Variants in PCDH15 observed in about 807,000 individuals in gnomAD.
The protein encoded by PCDH15 is protocadherin related 15.
In PCDH15, 129 loss-of-function variants were observed where a neutral mutation model predicts 178.5. The observed-to-expected ratio is 0.72, with a 90% CI of 0.63 to 0.84. PCDH15 has a LOEUF of 0.84. Ranked by LOEUF, PCDH15 falls within the 40% of genes least tolerant of loss-of-function variation. The pLI is 0.00. For synonymous variants in PCDH15, 800 were observed against 732.0 expected (o/e 1.09, Z -1.50); for missense variants, 2,230 against 2,099.9 (o/e 1.06, Z -1.21).
chr10:54,401,123 C>T (rs1951881905), intron 3 of PCDH15, among the ~76,000 whole-genome samples: 2 of 152,054 alleles, frequency 1.3e-5, no homozygotes, highest in South Asian at 4.1e-4. Context: ...CTTTGCTCTT[C>T]AGAGATAGTG....
At position 55,580,351 on chromosome 10, in the gene PCDH15, TA is replaced by T. The variant is rs1842587151; in HGVS notation, c.-156+47273del. On this transcript the variant is annotated intron_variant, in intron 2 of 5. Coordinates refer to the PCDH15 transcript ENST00000613346. ...GGCTATATGGCTTCTTCATTTTTTT[TA>T]TTTTTTTATTTTTTTTTTTTTTTGA... 2.1e-5 allele frequency among the ~76,000 whole-genome samples: 3 copies of T among 142,192 alleles called. No individual in the cohort carries two copies. The South Asian group carries it at 7.0e-4, about 33-fold the overall frequency. The allele number at this position is 142,192 out of a possible 152,430, so 93.3% of individuals were successfully genotyped here.
chr10:53,896,271 A>T (rs2081942169), intron 26 of PCDH15, among the ~76,000 whole-genome samples: 2 of 152,202 alleles, frequency 1.3e-5, no homozygotes, highest in African/African-American at 2.4e-5. Flanking sequence ...CAGAAACAAA[A>T]AGTTAATGTT....
intron 2 of PCDH15, among the ~76,000 whole-genome samples, chr10:54,976,247 T>C (rs1459989402): frequency 6.6e-6 from 1 of 152,134 alleles, no homozygotes; most frequent in African/African-American, 2.4e-5. Context: ...TTAAAATCAA[T>C]CTCAAGATTG....
intron 2 of PCDH15, among the ~76,000 whole-genome samples, chr10:55,547,784 T>C (rs922968207): frequency 1.4e-4 from 22 of 151,954 alleles, no homozygotes; most frequent in African/African-American, 4.1e-4. Context: ...TCTCTTAAAA[T>C]GTTCACTCTG....
At chr10:54,399,053 CAT>C (rs1297538798) in intron 3 of PCDH15, among the ~76,000 whole-genome samples, 3 of 152,046 alleles carry the variant, frequency 2.0e-5, no homozygotes, top group African/African-American at 7.2e-5. Flanking sequence ...GTCCACTTGG[CAT>C]ATATGTGTTC....
intron 3 of PCDH15, among the ~76,000 whole-genome samples, chr10:54,434,246 GA>G (rs34973478): frequency 6.6e-6 from 1 of 151,868 alleles, no homozygotes; most frequent in South Asian, 2.1e-4. Flanking sequence ...AATTACTGAA[GA>G]AAAAATTAAT....
chr10:55,480,128 A>T (rs898030547), intron 2 of PCDH15, among the ~76,000 whole-genome samples: 1 of 151,518 alleles, frequency 6.6e-6, no homozygotes, highest in Admixed American at 6.6e-5. Flanking sequence ...CCTGCCTATG[A>T]TCATGGAATG....
At chr10:54,708,221 C>T (rs1385783467) in intron 1 of PCDH15, among the ~76,000 whole-genome samples, 2 of 152,074 alleles carry the variant, frequency 1.3e-5, no homozygotes, top group East Asian at 1.9e-4. Flanking sequence ...CAGAGACTTG[C>T]TAAATAGAAG....
intron 7 of PCDH15, 98 bp from the exon 8 acceptor site, chr10:54,317,539 C>A (rs142138341): frequency 2.0e-5 from 27 of 1,383,510 alleles, no homozygotes; most frequent in Non-Finnish European, 2.7e-5. Flanking sequence ...CTTTGGGAGG[C>A]CAAGGTGGGT....
At chr10:55,386,667 C>T (rs897635128) in intron 2 of PCDH15, among the ~76,000 whole-genome samples, 1 of 151,866 alleles carries the variant, frequency 6.6e-6, no homozygotes, top group African/African-American at 2.4e-5. Context: ...AGGACTCCAT[C>T]CTACATAAAT....
At chr10:53,997,593 A>C (rs1307599443) in intron 20 of PCDH15, among the ~76,000 whole-genome samples, 1 of 152,144 alleles carries the variant, frequency 6.6e-6, no homozygotes, top group Non-Finnish European at 1.5e-5. Context: ...CTTTTTGGAA[A>C]ATTTGATTCT....
intron 2 of PCDH15, among the ~76,000 whole-genome samples, chr10:54,930,898 A>G (rs1227934325): frequency 1.3e-5 from 2 of 152,178 alleles, no homozygotes; most frequent in African/African-American, 2.4e-5. Flanking sequence ...TTACTAATAG[A>G]GTAACAAAAC....
At chr10:55,278,170 T>C (rs561206682) in intron 1 of PCDH15, among the ~76,000 whole-genome samples, 2 of 152,196 alleles carry the variant, frequency 1.3e-5, no homozygotes, top group Non-Finnish European at 2.9e-5. Context: ...TCTCCATGGA[T>C]AGCTTTGCTA....
At chr10:55,076,853 C>T (rs1046182912) in intron 2 of PCDH15, among the ~76,000 whole-genome samples, 35 of 146,824 alleles carry the variant, frequency 2.4e-4, no homozygotes, top group African/African-American at 8.1e-4. Context: ...ACTGCAACCT[C>T]TGTCTCCTTG....
chr10:53,812,788 G>A (rs2075919519), intron 35 of PCDH15, among the ~76,000 whole-genome samples: 1 of 152,052 alleles, frequency 6.6e-6, no homozygotes, highest in South Asian at 2.1e-4. Context: ...GAGAAGAGAG[G>A]GGGGAAAAGG....
chr10:54,779,488 G>GTGTGTATATA (rs147450863), intron 1 of PCDH15, among the ~76,000 whole-genome samples: 16 of 53,290 alleles, frequency 3.0e-4, no homozygotes, highest in Non-Finnish European at 4.8e-4. Context: ...ACATATATAT[G>GTGTGTATATA]TATATATATA....
chr10:54,089,866 A>G (rs2094571311), intron 16 of PCDH15, 118 bp downstream of exon 16: 1 of 769,934 alleles, frequency 1.3e-6, no homozygotes, highest in Admixed American at 2.1e-5. Context: ...GCATTCATAG[A>G]AAACAGAAAG....
At chr10:54,264,077 G>A (rs1336406933) in intron 8 of PCDH15, among the ~76,000 whole-genome samples, 1 of 152,070 alleles carries the variant, frequency 6.6e-6, no homozygotes, top group Non-Finnish European at 1.5e-5. Flanking sequence ...CAGACTGAAG[G>A]CTGCACATCA....
intron 1 of PCDH15, among the ~76,000 whole-genome samples, chr10:55,294,006 G>T (rs1843075626): frequency 1.3e-5 from 2 of 152,064 alleles, no homozygotes; most frequent in South Asian, 2.1e-4. Flanking sequence ...GCTCAAGACT[G>T]GGCAATTTAC....
Sources: allele counts gnomAD v4.1 joint callset (sites outside exome capture counted in the v4.1 genomes callset), GRCh38; gene constraint gnomAD v4.1.1; transcripts MANE v1.5; gene names NCBI Gene and HGNC (gene_info 2026-07-23, HGNC 2026-07-21).